The following UBD variants were observed in gnomAD, a reference collection of about 807,000 sequenced individuals.
UBD encodes the protein ubiquitin D.
Under a neutral mutation model 2.3 loss-of-function variants are expected in UBD, and 1 was observed. The ratio of observed to expected loss-of-function variants is 0.43; its 90% CI spans 0.15 to 2.06. UBD has a LOEUF of 2.06. UBD is among the 30% of genes most tolerant of loss of function. The pLI is 0.29. For missense variants in UBD, 175 were observed against 199.3 expected, an observed-to-expected ratio of 0.88 and a Z score of 0.73; for synonymous variants, 75 against 76.5, an observed-to-expected ratio of 0.98 and a Z score of 0.10.
rs774168040 is a variant in UBD, at chr6:29,555,585, G to A, written c.*295C>T. 1 of 408,430 alleles carries A rather than the reference G, an allele frequency of 2.4e-6. No individual in the cohort carries two copies. Among genetic ancestry groups the A allele is most frequent in the Non-Finnish European group, 4.3e-6 (1 of 231,976 alleles). 25.3% of individuals were successfully genotyped at this position (408,430 alleles called of 1,614,324 possible). On this transcript the variant is annotated 3_prime_UTR_variant, in exon 2 of 2. Coordinates refer to ENST00000377050, the MANE Select transcript of UBD (RefSeq NM_006398.4). Reference sequence around the variant, plus strand: ...TAGGAGTTTTTGCATAAATAACAAGGTATCAAGACAGAATTAAATTCCAAG... The same window carrying A: ...TAGGAGTTTTTGCATAAATAACAAGATATCAAGACAGAATTAAATTCCAAG...
chr6:29,556,374 A>G, intron 1 of UBD, 24 bp from the exon 2 acceptor site: 1 of 1,586,316 alleles, frequency 6.3e-7, no homozygotes, highest in Non-Finnish European at 8.6e-7. Context: ...GCCACAAGAC[A>G]GTTACCTAGG....
At chr6:29,559,455 T>A (rs1051279267) in intron 1 of UBD, among the ~76,000 whole-genome samples, 5 of 152,170 alleles carry the variant, frequency 3.3e-5, no homozygotes, top group African/African-American at 1.2e-4. Context: ...GCTAGTCCAA[T>A]GTTTTATTTA....
In UBD at chr6:29,555,916, G is replaced by T. The variant is rs1047688718; in HGVS notation, c.462C>A (p.Asn154Lys). The change falls in exon 2 of 2, where the codon AAC becomes AAA. Residue 154 changes from asparagine (N) to lysine (K), a missense_variant. Physicochemically the swap from Asn to Lys is moderately conservative, Grantham distance 94. Coordinates refer to ENST00000377050, the MANE Select transcript of UBD (RefSeq NM_006398.4). ...TACAATAACATGCCAGGAAGAGTAA[G>T]TTGCCCTTTCTGATGCCGTAATCTG... is the stretch of plus-strand genomic sequence containing the variant. ...MMADYGIRKG[N>K]LLFLACYCIG... is the part of the protein sequence containing the mutation. 6.2e-7 allele frequency: 1 copy of T among 1,612,936 alleles called. No homozygotes were observed. Among genetic ancestry groups the T allele is most frequent in the Admixed American group, 1.7e-5 (1 of 60,006 alleles).
chr6:29,558,822 T>TA (rs1762657104), intron 1 of UBD, among the ~76,000 whole-genome samples: 1 of 152,192 alleles, frequency 6.6e-6, no homozygotes, highest in Admixed American at 6.5e-5. Flanking sequence ...AATAGAGCTG[T>TA]AACAACCACC....
At chr6:29,556,699 G>A in intron 1 of UBD, 1 of 235,342 alleles carries the variant, frequency 4.2e-6, no homozygotes, top group Admixed American at 5.0e-5. Flanking sequence ...GCTTACACCT[G>A]TAATCCCAGA....
rs1420802511 is a variant in UBD, at chr6:29,555,569, T to C, written c.*311A>G. Reference sequence around the variant, plus strand: ...CATAAAGGAAAGGAGATAGGAGTTTTTGCATAAATAACAAGGTATCAAGAC... The same window carrying C: ...CATAAAGGAAAGGAGATAGGAGTTTCTGCATAAATAACAAGGTATCAAGAC... On this transcript the variant is annotated 3_prime_UTR_variant, in exon 2 of 2. Transcript: ENST00000377050. The C allele has an allele frequency of 8.8e-6, 3 of 341,950 alleles. No individual in the cohort carries two copies. The highest frequency in any genetic ancestry group is 1.6e-5 in the Non-Finnish European group (3 of 190,820). 21.2% of individuals were successfully genotyped at this position (341,950 alleles called of 1,614,324 possible).
At position 29,555,531 on chromosome 6, in the gene UBD, C is replaced by A; in HGVS notation, c.*349G>T. 3.9e-6 allele frequency: 1 copy of A among 253,450 alleles called. No homozygotes were observed. The highest frequency in any genetic ancestry group is 7.5e-6 in the Non-Finnish European group (1 of 134,054). The allele number at this position is 253,450 out of a possible 1,614,324, so 15.7% of individuals were successfully genotyped here. ...GTAGAACATGGATCCCAACCTAAAA[C>A]TTACTCTCTTGTCATAAAGGAAAGG... On this transcript the variant is annotated 3_prime_UTR_variant, in exon 2 of 2. Transcript: ENST00000377050.
Position 29,555,800 on chromosome 6 carries a change from A to G in UBD, c.*80T>C. 1 of 1,178,938 alleles carries G rather than the reference A, an allele frequency of 8.5e-7. No individual in the cohort carries two copies. The highest frequency in any genetic ancestry group is 1.5e-5 in the African/African-American group (1 of 64,742). 73.0% of individuals were successfully genotyped at this position (1,178,938 alleles called of 1,614,324 possible). Reference sequence around the variant, plus strand: ...TCATTCTCATTAATTTTGGGAAATCATCAGAAGATGTGTTCGTTGAGTAAG... The same window carrying G: ...TCATTCTCATTAATTTTGGGAAATCGTCAGAAGATGTGTTCGTTGAGTAAG... On this transcript the variant is annotated 3_prime_UTR_variant, in exon 2 of 2. Transcript: ENST00000377050.
At position 29,556,059 on chromosome 6, in the gene UBD, G is replaced by A. The variant is rs909550535; in HGVS notation, c.319C>T (p.Arg107Ter). Residue 107 changes from arginine (R) to a stop codon, truncating the protein, a stop_gained, in exon 2 of 2, where the codon CGA becomes TGA. Coordinates refer to ENST00000377050, the MANE Select transcript of UBD (RefSeq NM_006398.4). LOFTEE classifies it low-confidence loss of function (END_TRUNC). ...DEAKRHLLQV[R>*]RSSSVAQVKA... ...ACTTGTGCCACTGAGCTGGACCTTC[G>A]CACCTGGAGGAGGTGCCTCTTTGCC... The A allele has an allele frequency of 2.5e-6, 4 of 1,612,912 alleles. No homozygotes were observed. The highest frequency in any genetic ancestry group is 2.7e-5 in the African/African-American group (2 of 74,876).
Position 29,555,567 on chromosome 6 carries a change from T to C in UBD, c.*313A>G. On this transcript the variant is annotated 3_prime_UTR_variant, in exon 2 of 2. Coordinates refer to ENST00000377050, the MANE Select transcript of UBD (RefSeq NM_006398.4). ...GTCATAAAGGAAAGGAGATAGGAGTTTTTGCATAAATAACAAGGTATCAAG... is the reference window on the plus strand; with the variant it reads ...GTCATAAAGGAAAGGAGATAGGAGTCTTTGCATAAATAACAAGGTATCAAG... 1 of 336,484 alleles carries C rather than the reference T, an allele frequency of 3.0e-6. No homozygotes were observed. Among genetic ancestry groups the C allele is most frequent in the Non-Finnish European group, 5.3e-6 (1 of 187,242 alleles). The allele number at this position is 336,484 out of a possible 1,614,324, so 20.8% of individuals were successfully genotyped here.
At chr6:29,557,061 G>A (rs992324304) in intron 1 of UBD, 1 of 152,180 alleles carries the variant, frequency 6.6e-6, no homozygotes, top group African/African-American at 2.4e-5. Flanking sequence ...GACCAGCAAA[G>A]TTAGAGATTA....
chr6:29,558,378 G>T (rs1762628822), intron 1 of UBD, among the ~76,000 whole-genome samples: 1 of 152,150 alleles, frequency 6.6e-6, no homozygotes, highest in Non-Finnish European at 1.5e-5. Flanking sequence ...GCAAAAACAG[G>T]AGGTAAAGAT....
chr6:29,558,868 G>A (rs1000246981), intron 1 of UBD, among the ~76,000 whole-genome samples: 14 of 152,282 alleles, frequency 9.2e-5, no homozygotes, highest in Admixed American at 5.9e-4. Context: ...GAATCCATGA[G>A]GCCAAGAACC....
At position 29,556,172 on chromosome 6, in the gene UBD, T is replaced by C; in HGVS notation, c.206A>G (p.Asp69Gly). ...PRRSLSSYGIDKEKTIHLTLK... is the reference protein window; with the variant it reads ...PRRSLSSYGIGKEKTIHLTLK... ...GGTAAGGTGGATGGTCTTCTCTTTG[T>C]CAATGCCATAAGATGAGAGGCTTCT... The change falls in exon 2 of 2, where the codon GAC becomes GGC. Residue 69 changes from aspartate (D) to glycine (G), a missense_variant. Coordinates refer to ENST00000377050, the MANE Select transcript of UBD (RefSeq NM_006398.4). 6.2e-7 allele frequency: 1 copy of C among 1,613,062 alleles called. No homozygotes were observed. The highest frequency in any genetic ancestry group is 8.5e-7 in the Non-Finnish European group (1 of 1,180,018).
In UBD at chr6:29,555,877, T is replaced by C; in HGVS notation, c.*3A>G. 2 of 1,611,334 alleles carry C rather than the reference T, an allele frequency of 1.2e-6. No homozygotes were observed. Among genetic ancestry groups the C allele is most frequent in the Non-Finnish European group, 1.7e-6 (2 of 1,178,638 alleles). ...CCCTGCCAACACCCCATGCCCAGGG[T>C]GGTCACCCTCCAATACAATAACATG... On this transcript the variant is annotated 3_prime_UTR_variant, in exon 2 of 2. Transcript: ENST00000377050.
intron 1 of UBD, chr6:29,556,628 C>G (rs962594916): frequency 2.2e-6 from 1 of 450,674 alleles, no homozygotes; most frequent in African/African-American, 2.0e-5. Context: ...AACGGACGCT[C>G]TTTTGCTCAG....
Position 29,555,893 on chromosome 6 carries a change from C to A in UBD, c.485G>T (p.Cys162Phe), listed in dbSNP as rs7757931. Residue 162 changes from cysteine (C) to phenylalanine (F), a missense_variant, in exon 2 of 2, where the codon TGT becomes TTT. Coordinates refer to ENST00000377050, the MANE Select transcript of UBD (RefSeq NM_006398.4). ...KGNLLFLACY[C>F]IGG ...TGCCCAGGGTGGTCACCCTCCAATA[C>A]AATAACATGCCAGGAAGAGTAAGTT... is the stretch of plus-strand genomic sequence containing the variant. 91,774 of 1,612,778 alleles carry A rather than the reference C, an allele frequency of 0.057. 10,448 individuals carry two copies. Among genetic ancestry groups the A allele is most frequent in the African/African-American group, 0.45 (33,629 of 74,940 alleles).
Position 29,556,155 on chromosome 6 carries a change from G to A in UBD, c.223C>T (p.His75Tyr), listed in dbSNP as rs1172650641. ...GGCTTCACCACTTTCAGGGTAAGGT[G>A]GATGGTCTTCTCTTTGTCAATGCCA... The part of the protein sequence containing the change: ...SYGIDKEKTI[H>Y]LTLKVVKPSD... The change falls in exon 2 of 2, where the codon CAC becomes TAC. Residue 75 changes from histidine to tyrosine, a missense_variant. Coordinates refer to ENST00000377050, the MANE Select transcript of UBD (RefSeq NM_006398.4). The A allele has an allele frequency of 6.2e-7, 1 of 1,613,062 alleles. No homozygotes were observed. The highest frequency in any genetic ancestry group is 1.1e-5 in the South Asian group (1 of 91,066).
intron 1 of UBD, chr6:29,557,053 C>T (rs1175874992): frequency 2.6e-5 from 4 of 152,138 alleles, no homozygotes; most frequent in Non-Finnish European, 4.4e-5. Context: ...ACACAACTGA[C>T]CAGCAAAGTT....
Sources: gnomAD v4.1 joint callset for allele counts (sites outside exome capture counted in the v4.1 genomes callset) on GRCh38, gnomAD v4.1.1 for gene constraint, MANE v1.5 for transcripts, NCBI Gene and HGNC (gene_info 2026-07-23, HGNC 2026-07-21) for gene names.